ZC3H7A: variants seen among roughly 807,000 people sequenced by gnomAD.
ZC3H7A encodes zinc finger CCCH-type containing 7A, also known as zinc finger CCCH domain-containing protein 7A.
In ZC3H7A, 44 loss-of-function variants were observed where a neutral mutation model predicts 125.5. The observed-to-expected ratio is 0.35, with a 90% confidence interval of 0.28 to 0.45. The LOEUF (loss-of-function observed/expected upper bound fraction) is 0.45, where lower values mean the gene tolerates loss of function less well. ZC3H7A is among the 20% of genes least tolerant of loss of function. The pLI is 1.00. For missense variants in ZC3H7A, 977 were observed against 1,170.7 expected (o/e 0.83, Z 2.41); for synonymous variants, 399 against 391.2 (o/e 1.02, Z -0.23).
intron 3 of ZC3H7A, among the ~76,000 whole-genome samples, chr16:11,781,083 AAAAAAGAAAAAG>A (rs1402334501): frequency 3.9e-5 from 6 of 152,290 alleles, no homozygotes; most frequent in African/African-American, 1.4e-4. Flanking sequence ...CAAGTATGCA[AAAAAAGAAAAAG>A]AAAAAGAAAA....
At chr16:11,785,898 C>T (rs1161673728) in intron 1 of ZC3H7A, among the ~76,000 whole-genome samples, 6 of 152,270 alleles carry the variant, frequency 3.9e-5, no homozygotes, top group Admixed American at 1.3e-4. Flanking sequence ...GGATTACAGG[C>T]GTGAGCCACC....
intron 1 of ZC3H7A, chr16:11,783,163 G>A (rs1021270414): frequency 8.5e-5 from 13 of 152,212 alleles, no homozygotes; most frequent in African/African-American, 3.1e-4. Flanking sequence ...TGACTTCCTT[G>A]TAAGCCAAGT....
chr16:11,774,346 T>C lies in ZC3H7A; in HGVS notation c.793A>G (p.Lys265Glu). 1.9e-6 allele frequency: 3 copies of C among 1,614,004 alleles called. No individual in the cohort carries two copies. The highest frequency in any genetic ancestry group is 2.5e-6 in the Non-Finnish European group (3 of 1,180,002). ...LPSAVLANGGKMPFTMPEAFL... is the reference protein window; with the variant it reads ...LPSAVLANGGEMPFTMPEAFL... ...GCTTCTGGCATAGTGAAGGGCATCT[T>C]TCCTCCATTTGCCAGCACTGCAGAT... The change falls in exon 9 of 23, where the codon AAG becomes GAG. Residue 265 changes from lysine to glutamate, a missense_variant. Around this residue, in one of 3 missense-constraint regions of ZC3H7A, gnomAD observed 342 missense variants for 311.3 expected, o/e 1.10. Transcript: ENST00000355758.
intron 16 of ZC3H7A, 29 bp downstream of exon 16, chr16:11,763,449 A>G (rs781728358): frequency 6.3e-7 from 1 of 1,584,178 alleles, no homozygotes; most frequent in Non-Finnish European, 8.6e-7. Flanking sequence ...TCTTGAGGAG[A>G]CATACTTCTC....
chr16:11,767,220 G>T (rs769191916), intron 13 of ZC3H7A, among the ~76,000 whole-genome samples, 197 bp downstream of exon 13: 1 of 152,162 alleles, frequency 6.6e-6, no homozygotes, highest in Non-Finnish European at 1.5e-5. Context: ...AACTGTACAA[G>T]TCTGTAGTTT....
rs763152340 is a variant in ZC3H7A at position 11,752,705 on chromosome 16, T to C, written c.2690A>G (p.His897Arg). ...HTEDDQYCWQ[H>R]RFPTGYFSIC... is the part of the protein sequence containing the mutation. The stretch of plus-strand genomic sequence containing the variant: ...ACTGAAATAGCCTGTTGGGAAGCGG[T>C]GCTGCCAGCAGTACTGGTCGTCCTC... The change falls in exon 22 of 23, where the codon CAC becomes CGC. Residue 897 changes from histidine (H) to arginine (R), a missense_variant. His to Arg is a conservative substitution (Grantham distance 29). Transcript: ENST00000355758. 3 of 1,614,062 alleles carry C rather than the reference T, an allele frequency of 1.9e-6. No homozygotes were observed. The highest frequency in any genetic ancestry group is 2.5e-6 in the Non-Finnish European group (3 of 1,179,992).
At chr16:11,772,520 T>C (rs138136114) in intron 9 of ZC3H7A, among the ~76,000 whole-genome samples, 1 of 151,858 alleles carries the variant, frequency 6.6e-6, no homozygotes, top group Non-Finnish European at 1.5e-5. Flanking sequence ...TATGATGAAG[T>C]AACTTGCCCA....
At chr16:11,787,425 A>C (rs187179576) in intron 1 of ZC3H7A, among the ~76,000 whole-genome samples, 1 of 151,898 alleles carries the variant, frequency 6.6e-6, no homozygotes, top group African/African-American at 2.4e-5. Context: ...CTGTGAAATA[A>C]TCTCCCCCCA....
At chr16:11,771,537 G>T (rs2052982389) in intron 9 of ZC3H7A, among the ~76,000 whole-genome samples, 1 of 151,612 alleles carries the variant, frequency 6.6e-6, no homozygotes, top group African/African-American at 2.4e-5. Context: ...GTCTCACTCT[G>T]TCACCCAGGC....
At position 11,774,518 on chromosome 16, in the gene ZC3H7A, A is replaced by G; in HGVS notation, c.621T>C (p.Asp207=). The G allele has an allele frequency of 6.5e-7, 1 of 1,529,046 alleles. No homozygotes were observed. Among genetic ancestry groups the G allele is most frequent in the African/African-American group, 1.4e-5 (1 of 72,318 alleles). The allele number at this position is 1,529,046 out of a possible 1,614,324, so 94.7% of individuals were successfully genotyped here. A position where few individuals can be genotyped will look rare whatever the true frequency, so the allele number is the denominator to read the frequency against. ...CTGCTTCTTGCCTTGGAGTTAATAAATCTGTAACACAGATGGAAATGTACT... is the reference window on the plus strand; with the variant it reads ...CTGCTTCTTGCCTTGGAGTTAATAAGTCTGTAACACAGATGGAAATGTACT... ...LNHSVEDIEP[D]LLTPRQEAVP... Residue 207 remains aspartate (D), a splice_region_variant and synonymous_variant, in exon 9 of 23, where the codon GAT becomes GAC. Coordinates refer to ENST00000355758, the MANE Select transcript of ZC3H7A (RefSeq NM_014153.4).
At position 11,762,720 on chromosome 16, in the gene ZC3H7A, T is replaced by A; in HGVS notation, c.2030A>T (p.Glu677Val). The change falls in exon 17 of 23, where the codon GAG (glutamate) becomes GTG (valine). Residue 677 changes from glutamate (E) to valine (V), a missense_variant. Coordinates refer to ENST00000355758, the MANE Select transcript of ZC3H7A (RefSeq NM_014153.4). ...CAAATTCTGCCAATATCGTTTAGACTCTTGAGCAATAGCATCATGTGAGAT... is the reference window on the plus strand; with the variant it reads ...CAAATTCTGCCAATATCGTTTAGACACTTGAGCAATAGCATCATGTGAGAT... The part of the protein sequence containing the change: ...TGISHDAIAQ[E>V]SKRYWQNLEA... 1 of 1,613,956 alleles carries A rather than the reference T, an allele frequency of 6.2e-7. No individual in the cohort carries two copies. The highest frequency in any genetic ancestry group is 8.5e-7 in the Non-Finnish European group (1 of 1,180,008).
At chr16:11,754,291 C>CA (rs71136680) in intron 21 of ZC3H7A, among the ~76,000 whole-genome samples, 9,246 of 46,034 alleles carry the variant, frequency 0.2, 792 homozygotes, top group South Asian at 0.36. Flanking sequence ...GACCCTGTCT[C>CA]AAAAAAAAAA....
chr16:11,754,322 ATATATATAT>A (rs2052601627), intron 21 of ZC3H7A, among the ~76,000 whole-genome samples: 1 of 89,020 alleles, frequency 1.1e-5, no homozygotes, highest in African/African-American at 4.5e-5. Flanking sequence ...AGAAAAAAAA[ATATATATAT>A]ATATATAATA....
intron 3 of ZC3H7A, among the ~76,000 whole-genome samples, chr16:11,781,095 G>C (rs564571004): frequency 1.3e-5 from 2 of 151,450 alleles, no homozygotes; most frequent in East Asian, 1.9e-4. Context: ...AAAAGAAAAA[G>C]AAAAAGAAAA....
At chr16:11,771,856 C>G (rs1008891462) in intron 9 of ZC3H7A, among the ~76,000 whole-genome samples, 5 of 152,016 alleles carry the variant, frequency 3.3e-5, no homozygotes, top group African/African-American at 9.7e-5. Context: ...GCAAAACTTC[C>G]TTATGCTTCC....
intron 2 of ZC3H7A, among the ~76,000 whole-genome samples, chr16:11,781,665 T>C (rs915024993): frequency 6.7e-6 from 1 of 150,328 alleles, no homozygotes; most frequent in Non-Finnish European, 1.5e-5. Flanking sequence ...TATATATATA[T>C]ATATATATAC....
At chr16:11,790,433 T>C (rs537668721) in intron 1 of ZC3H7A, among the ~76,000 whole-genome samples, 2 of 152,344 alleles carry the variant, frequency 1.3e-5, no homozygotes, top group South Asian at 2.1e-4. Flanking sequence ...AAGCTCTTTA[T>C]ATGTTGAGGA....
rs756248758 is a variant in ZC3H7A, at chr16:11,774,506, T to C, written c.633A>G (p.Pro211=). The C allele has an allele frequency of 5.8e-6, 9 of 1,542,290 alleles. No individual in the cohort carries two copies. The highest frequency in any genetic ancestry group is 2.6e-6 in the Non-Finnish European group (3 of 1,143,836). ...VEDIEPDLLT[P]RQEAVPVVSL... ...AGACAACAGGAACTGCTTCTTGCCT[T>C]GGAGTTAATAAATCTGTAACACAGA... Residue 211 remains proline (P), a synonymous_variant, in exon 9 of 23, where the codon CCA becomes CCG. Coordinates refer to ENST00000355758, the MANE Select transcript of ZC3H7A (RefSeq NM_014153.4).
chr16:11,794,417 C>T (rs751105240), intron 1 of ZC3H7A, among the ~76,000 whole-genome samples: 2 of 152,168 alleles, frequency 1.3e-5, no homozygotes, highest in Non-Finnish European at 2.9e-5. Context: ...AATTTTTAAA[C>T]TTCTGGATTA....
Sources: gnomAD v4.1 joint callset for allele counts (sites outside exome capture counted in the v4.1 genomes callset) on GRCh38, gnomAD v4.1.1 for gene constraint, gnomAD v4.1.1 regional missense constraint, MANE v1.5 for transcripts, NCBI Gene and HGNC (gene_info 2026-07-23, HGNC 2026-07-21) for gene names.